Variants in WDPCP observed in about 807,000 individuals in gnomAD.
WDPCP encodes WD repeat-containing and planar cell polarity effector protein fritz homolog.
In WDPCP, 71 loss-of-function variants were observed where a neutral mutation model predicts 93.1. The observed-to-expected ratio is 0.76, with a 90% confidence interval of 0.63 to 0.93. The LOEUF (loss-of-function observed/expected upper bound fraction) is 0.93. Among genes scored for constraint, WDPCP ranks in the 40% least tolerant of loss-of-function variants. The pLI is 0.00. For synonymous variants in WDPCP, 315 were observed against 315.0 expected (o/e 1.00, Z 0.00); for missense variants, 844 against 887.4 (o/e 0.95, Z 0.62).
chr2:63,509,705 G>T (rs1427744596), intron 1 of WDPCP, among the ~76,000 whole-genome samples: 1 of 151,980 alleles, frequency 6.6e-6, no homozygotes, highest in African/African-American at 2.4e-5. Flanking sequence ...AAGGAGAAAA[G>T]AGAGAAGAAT....
At chr2:63,593,690 C>T, upstream of WDPCP, 1 of 471,388 alleles carries the variant, frequency 2.1e-6, no homozygotes, top group Non-Finnish European at 4.4e-6. Context: ...AGGAATGGTT[C>T]ACCTTAACTG....
chr2:63,761,433 C>G (rs1670052615), intron 2 of WDPCP, among the ~76,000 whole-genome samples: 1 of 152,128 alleles, frequency 6.6e-6, no homozygotes, highest in Non-Finnish European at 1.5e-5. Flanking sequence ...AGGCAAACCA[C>G]AAGCCTGATA....
At chr2:63,597,676 T>A (rs41284839) in intron 3 of WDPCP, 16,794 of 1,056,936 alleles carry the variant, frequency 0.016, 175 homozygotes, top group Non-Finnish European at 0.018. Context: ...TTTTTCTAGT[T>A]CTGTACAATC....
chr2:63,379,272 C>T (rs1409727944), intron 11 of WDPCP, among the ~76,000 whole-genome samples: 1 of 152,130 alleles, frequency 6.6e-6, no homozygotes, highest in African/African-American at 2.4e-5. Context: ...TACGAGAACA[C>T]TACAGTTCAC....
chr2:63,560,536 C>CCT (rs1356888494), intron 1 of WDPCP, among the ~76,000 whole-genome samples: 1 of 152,136 alleles, frequency 6.6e-6, no homozygotes, highest in Non-Finnish European at 1.5e-5. Context: ...GGTACACATA[C>CCT]GTTTATTGTG....
intron 12 of WDPCP, among the ~76,000 whole-genome samples, chr2:63,316,417 C>T (rs1034242862): frequency 1.3e-5 from 2 of 151,900 alleles, no homozygotes; most frequent in African/African-American, 2.4e-5. Flanking sequence ...TCTGGGAGGC[C>T]GAGATGGATT....
chr2:63,550,568 A>G (rs887283517), intron 1 of WDPCP, among the ~76,000 whole-genome samples: 2 of 151,804 alleles, frequency 1.3e-5, no homozygotes, highest in African/African-American at 4.8e-5. Flanking sequence ...GTTTCTGTCT[A>G]ATATTCCTCA....
intron 13 of WDPCP, among the ~76,000 whole-genome samples, chr2:63,301,619 A>C (rs1037060424): frequency 6.6e-6 from 1 of 152,126 alleles, no homozygotes; most frequent in Non-Finnish European, 1.5e-5. Context: ...GACTAATCCC[A>C]ATCTCTTAGT....
chr2:63,230,187 T>G (rs541230178), intron 14 of WDPCP, among the ~76,000 whole-genome samples: 20 of 150,828 alleles, frequency 1.3e-4, no homozygotes, highest in Middle Eastern at 6.9e-3. Flanking sequence ...CATGCAGTGT[T>G]TGGTTTTCTG....
intron 15 of WDPCP, among the ~76,000 whole-genome samples, chr2:63,156,959 G>T (rs1672300104): frequency 6.6e-6 from 1 of 151,714 alleles, no homozygotes; most frequent in South Asian, 2.1e-4. Context: ...CTATCAAGTA[G>T]GATAATAGCT....
At chr2:63,256,657 T>C (rs1266378812) in intron 14 of WDPCP, among the ~76,000 whole-genome samples, 1 of 152,194 alleles carries the variant, frequency 6.6e-6, no homozygotes, top group African/African-American at 2.4e-5. Flanking sequence ...GCAACACTAT[T>C]CGCATTAGCC....
At chr2:63,523,081 C>A (rs1426968353) in intron 1 of WDPCP, among the ~76,000 whole-genome samples, 4 of 152,142 alleles carry the variant, frequency 2.6e-5, no homozygotes, top group African/African-American at 9.7e-5. Context: ...ACACAAAATC[C>A]AGCAGCACAT....
intron 3 of WDPCP, among the ~76,000 whole-genome samples, chr2:63,633,238 G>A (rs540948035): frequency 1.3e-3 from 197 of 152,214 alleles, no homozygotes; most frequent in African/African-American, 4.6e-3. Context: ...AGTTATTCAA[G>A]CTAAAATGAA....
At chr2:63,429,297 G>A (rs1462736106) in intron 9 of WDPCP, among the ~76,000 whole-genome samples, 1 of 152,048 alleles carries the variant, frequency 6.6e-6, no homozygotes, top group East Asian at 1.9e-4. Context: ...AAGAATTTAT[G>A]GTAAAGTCCT....
intron 12 of WDPCP, among the ~76,000 whole-genome samples, chr2:63,339,502 G>A (rs1183202760): frequency 6.6e-6 from 1 of 152,068 alleles, no homozygotes; most frequent in East Asian, 1.9e-4. Context: ...TTTGCTGTTG[G>A]TATATATAAG....
intron 17 of WDPCP, among the ~76,000 whole-genome samples, chr2:63,145,436 G>A (rs891912475): frequency 2.6e-5 from 4 of 152,180 alleles, no homozygotes; most frequent in Non-Finnish European, 5.9e-5. Context: ...TGCTGTGCCT[G>A]CTGTGGCGGA....
In WDPCP at chr2:63,292,132, CAA is replaced by C. The variant is rs58370764; in HGVS notation, c.1812+21114_1812+21115del. ...TGGGCGACAGAGCAAGACTCCGGCT[CAA>C]AAAAAAAAAAAAAAAAAGAAAAAGA... On this transcript the variant is annotated intron_variant, in intron 13 of 17. Transcript: ENST00000272321. Among the ~76,000 whole-genome samples, 306 of 83,356 alleles carry C rather than the reference CAA, an allele frequency of 3.7e-3. 1 individual carries two copies. The highest frequency in any genetic ancestry group is 0.018 in the East Asian group (55 of 2,984). The allele number at this position is 83,356 out of a possible 152,430, so 54.7% of individuals were successfully genotyped here. A position where few individuals can be genotyped will look rare whatever the true frequency, so the allele number is the denominator to read the frequency against.
chr2:63,511,917 G>C (rs192195061), intron 1 of WDPCP, among the ~76,000 whole-genome samples: 2 of 152,294 alleles, frequency 1.3e-5, no homozygotes, highest in East Asian at 3.9e-4. Flanking sequence ...TTAAACTAAA[G>C]AGCTTCTGCA....
intron 13 of WDPCP, among the ~76,000 whole-genome samples, chr2:63,290,972 A>G (rs554622038): frequency 2.0e-4 from 31 of 152,254 alleles, no homozygotes; most frequent in African/African-American, 6.7e-4. Flanking sequence ...CTGTAGGCCA[A>G]TATTTTTCAC....
Sources: gnomAD v4.1 joint callset for allele counts (sites outside exome capture counted in the v4.1 genomes callset) on GRCh38, gnomAD v4.1.1 for gene constraint, MANE v1.5 for transcripts, NCBI Gene and HGNC (gene_info 2026-07-23, HGNC 2026-07-21) for gene names.